Variants in RPS6KA2 observed in about 807,000 individuals in gnomAD.
RPS6KA2 encodes ribosomal protein S6 kinase A2.
RPS6KA2 carries 42 observed loss-of-function variants against 91.8 expected under a neutral mutation model. The ratio of observed to expected loss-of-function variants is 0.46; its 90% CI spans 0.36 to 0.59. The LOEUF is 0.59. Ranked by LOEUF, RPS6KA2 falls within the 20% of genes least tolerant of loss-of-function variation. RPS6KA2 has a pLI of 0.00. For synonymous variants in RPS6KA2, 414 were observed against 393.6 expected, an observed-to-expected ratio of 1.05 and a Z score of -0.61; for missense variants, 798 against 978.5, an observed-to-expected ratio of 0.82 and a Z score of 2.46.
intron 2 of RPS6KA2, among the ~76,000 whole-genome samples, chr6:166,751,785 A>G (rs1583079175): frequency 6.6e-6 from 1 of 152,256 alleles, no homozygotes; most frequent in Admixed American, 6.5e-5. Flanking sequence ...AAACAGTGGC[A>G]CAGACTCTAG....
chr6:166,529,306 C>A (rs1783174607), intron 3 of RPS6KA2, among the ~76,000 whole-genome samples: 1 of 152,132 alleles, frequency 6.6e-6, no homozygotes, highest in African/African-American at 2.4e-5. Flanking sequence ...TCATTCTGAG[C>A]AAACTATTGC....
chr6:166,558,428 A>G (rs975964409), intron 1 of RPS6KA2, among the ~76,000 whole-genome samples: 2 of 152,194 alleles, frequency 1.3e-5, no homozygotes, highest in Non-Finnish European at 2.9e-5. Context: ...CCAGTGACTC[A>G]GATGTTAAAA....
At chr6:166,794,485 C>T (rs892492258) in intron 2 of RPS6KA2, among the ~76,000 whole-genome samples, 1 of 151,640 alleles carries the variant, frequency 6.6e-6, no homozygotes, top group African/African-American at 2.4e-5. Flanking sequence ...TACCGTTTGA[C>T]CTAGCCATCC....
At position 166,418,132 on chromosome 6, in the gene RPS6KA2, A is replaced by T; in HGVS notation, c.1938+93T>A. 1.2e-6 allele frequency: 1 copy of T among 816,562 alleles called. No individual in the cohort carries two copies. The highest frequency in any genetic ancestry group is 2.0e-6 in the Non-Finnish European group (1 of 491,456). 50.6% of individuals were successfully genotyped at this position (816,562 alleles called of 1,614,324 possible). ...ATGCTGAGGATAAAATACCTATACTACTTACATAAAACCTATCCCCTGGCT... is the reference window on the plus strand; with the variant it reads ...ATGCTGAGGATAAAATACCTATACTTCTTACATAAAACCTATCCCCTGGCT... On this transcript the variant is annotated intron_variant, in intron 19 of 20. Coordinates refer to ENST00000265678, the MANE Select transcript of RPS6KA2 (RefSeq NM_021135.6). This position sits in a 1 kb window ranked among gnomAD's most constrained non-coding sequence, Gnocchi z 4.9.
intron 5 of RPS6KA2, among the ~76,000 whole-genome samples, chr6:166,507,875 C>G (rs1782301714): frequency 6.7e-6 from 1 of 150,192 alleles, no homozygotes; most frequent in Non-Finnish European, 1.5e-5. Flanking sequence ...CCCCAAACAC[C>G]ACGCACACCC....
rs957341317 is a variant in RPS6KA2 at position 166,568,714 on chromosome 6, G to A, written c.100-29930C>T. Among the ~76,000 whole-genome samples the A allele has an allele frequency of 4.3e-4, 61 of 142,908 alleles. 1 individual carries two copies. The highest frequency in any genetic ancestry group is 1.5e-3 in the African/African-American group (57 of 38,638). The allele number at this position is 142,908 out of a possible 152,430, so 93.8% of individuals were successfully genotyped here. ...TTGGGGCTGAAACACATAAGACTTC[G>A]GAGACCCCACTAACCAGGCAGAGCC... On this transcript the variant is annotated intron_variant, in intron 1 of 20. Coordinates refer to ENST00000265678, the MANE Select transcript of RPS6KA2 (RefSeq NM_021135.6).
At position 166,733,974 on chromosome 6, in the gene RPS6KA2, G is replaced by A. The variant is rs1790603186; in HGVS notation, c.123+124226C>T. Among the ~76,000 whole-genome samples the A allele has an allele frequency of 1.3e-5, 2 of 152,204 alleles. No homozygotes were observed. Among genetic ancestry groups the A allele is most frequent in the Non-Finnish European group, 2.9e-5 (2 of 68,038 alleles). ...GGGTGTGGGAACAGAGGACTGAGGG[G>A]TGTTGACCTCCAAAAGCAAAGGTGC... On this transcript the variant is annotated intron_variant, in intron 2 of 21. Coordinates refer to the RPS6KA2 transcript ENST00000503859. This position sits in a 1 kb window ranked among gnomAD's most constrained non-coding sequence, Gnocchi z 4.1.
At position 166,568,621 on chromosome 6, in the gene RPS6KA2, G is replaced by GAAAAAAAAAA. The variant is rs60613942; in HGVS notation, c.100-29847_100-29838dup. Among the ~76,000 whole-genome samples the GAAAAAAAAAA allele has an allele frequency of 6.6e-5, 3 of 45,550 alleles. 1 individual carries two copies. The highest frequency in any genetic ancestry group is 8.2e-5 in the Non-Finnish European group (2 of 24,294). 29.9% of individuals were successfully genotyped at this position (45,550 alleles called of 152,430 possible). The stretch of plus-strand genomic sequence containing the variant: ...ACAACAAGAGCAAAACTCCATCTCA[G>GAAAAAAAAAA]AAAAAAAAAAAAAAAAAAAAAAAAA... On this transcript the variant is annotated intron_variant, in intron 1 of 20. Transcript: ENST00000265678.
At chr6:166,676,767 C>A (rs551949499) in intron 2 of RPS6KA2, among the ~76,000 whole-genome samples, 4 of 152,266 alleles carry the variant, frequency 2.6e-5, no homozygotes, top group African/African-American at 9.6e-5. Flanking sequence ...TACATATTCA[C>A]GCTCAACCAG....
At chr6:166,467,640 A>G (rs1780593913) in intron 11 of RPS6KA2, among the ~76,000 whole-genome samples, 1 of 152,090 alleles carries the variant, frequency 6.6e-6, no homozygotes, top group Non-Finnish European at 1.5e-5. Flanking sequence ...TGTTCCATGG[A>G]GGCATGGGAA....
chr6:166,488,086 G>GT lies in RPS6KA2; in HGVS notation c.907+746dup, dbSNP rs1781468897. On this transcript the variant is annotated intron_variant, in intron 10 of 20. Coordinates refer to ENST00000265678, the MANE Select transcript of RPS6KA2 (RefSeq NM_021135.6). ...TATGTCTTCTATCTATGAGGTTAGA[G>GT]TTTAAAAAAAAACAGAATTTAATGT... Among the ~76,000 whole-genome samples the GT allele has an allele frequency of 2.1e-5, 3 of 140,340 alleles. No individual in the cohort carries two copies. In the South Asian group the frequency reaches 7.4e-4, roughly 35 times the overall value. 92.1% of individuals were successfully genotyped at this position (140,340 alleles called of 152,430 possible). A position where few individuals can be genotyped will look rare whatever the true frequency, so the allele number is the denominator to read the frequency against.
In RPS6KA2 at chr6:166,648,988, C is replaced by T. The variant is rs1183509521; in HGVS notation, c.124-110204G>A. Among the ~76,000 whole-genome samples the T allele has an allele frequency of 1.3e-5, 2 of 152,212 alleles. No individual in the cohort carries two copies. The highest frequency in any genetic ancestry group is 4.8e-5 in the African/African-American group (2 of 41,446). On this transcript the variant is annotated intron_variant, in intron 2 of 21. Coordinates refer to the RPS6KA2 transcript ENST00000503859. This position sits in a 1 kb window ranked among gnomAD's most constrained non-coding sequence, Gnocchi z 4.8. The stretch of plus-strand genomic sequence containing the variant: ...TAATGGGCTCCTTCCTTCGCCCCTC[C>T]TCCAGTCTAGTCAATATGTTACCAA...
intron 2 of RPS6KA2, among the ~76,000 whole-genome samples, chr6:166,824,345 C>T (rs1173411496): frequency 6.6e-6 from 1 of 152,220 alleles, no homozygotes; most frequent in African/African-American, 2.4e-5. Context: ...TGGGGCGACT[C>T]TCCAGATAGC....
intron 11 of RPS6KA2, among the ~76,000 whole-genome samples, chr6:166,465,859 G>C (rs1167816551): frequency 6.6e-6 from 1 of 152,204 alleles, no homozygotes; most frequent in Non-Finnish European, 1.5e-5. Flanking sequence ...TGCACCACCA[G>C]GGTGAGCACC....
In RPS6KA2 at chr6:166,626,516, G is replaced by A. The variant is rs904682179; in HGVS notation, c.99+405C>T. On this transcript the variant is annotated intron_variant, in intron 1 of 20. Transcript: ENST00000265678. This position sits in a 1 kb window ranked among gnomAD's most constrained non-coding sequence, Gnocchi z 4.1. ...ACAGCACCTGATCAGCGCCTCGGAG[G>A]GCGGAGCTGGGGGGCTTCTCCACTC... Among the ~76,000 whole-genome samples, 3 of 152,210 alleles carry A rather than the reference G, an allele frequency of 2.0e-5. No individual in the cohort carries two copies. The highest frequency in any genetic ancestry group is 2.0e-4 in the Admixed American group (3 of 15,288).
At chr6:166,838,952 G>C (rs1345817342) in intron 2 of RPS6KA2, among the ~76,000 whole-genome samples, 1 of 152,186 alleles carries the variant, frequency 6.6e-6, no homozygotes, top group Non-Finnish European at 1.5e-5. Context: ...GGGATGGATG[G>C]GAGTGAGGCC....
Position 166,612,823 on chromosome 6 carries a change from C to A in RPS6KA2, c.99+14098G>T, listed in dbSNP as rs1279652278. Among the ~76,000 whole-genome samples, 1 of 152,186 alleles carries A rather than the reference C, an allele frequency of 6.6e-6. No individual in the cohort carries two copies. Among genetic ancestry groups the A allele is most frequent in the Non-Finnish European group, 1.5e-5 (1 of 68,040 alleles). On this transcript the variant is annotated intron_variant, in intron 1 of 20. Transcript: ENST00000265678. This position sits in a 1 kb window ranked among gnomAD's most constrained non-coding sequence, Gnocchi z 4.3. ...AGCCTCTCTCTCTCCATGCCCTTGA[C>A]CTGTCCTCCTCCCTCTGGCCCTGCG...
At chr6:166,697,935 A>G (rs984068038) in intron 2 of RPS6KA2, among the ~76,000 whole-genome samples, 1 of 152,194 alleles carries the variant, frequency 6.6e-6, no homozygotes, top group Non-Finnish European at 1.5e-5. Flanking sequence ...CTGTATGTGG[A>G]ATGAATGGAT....
chr6:166,796,721 G>C (rs967899105), intron 2 of RPS6KA2, among the ~76,000 whole-genome samples: 1 of 152,188 alleles, frequency 6.6e-6, no homozygotes, highest in Admixed American at 6.5e-5. Flanking sequence ...ACTCCTTTCA[G>C]TTGCTCAAAA....
Sources: gnomAD v4.1 joint callset for allele counts (sites outside exome capture counted in the v4.1 genomes callset) on GRCh38, gnomAD v4.1.1 for gene constraint, Gnocchi (gnomAD v3.1) non-coding constraint, MANE v1.5 for transcripts, NCBI Gene and HGNC (gene_info 2026-07-23, HGNC 2026-07-21) for gene names.